Variants in NYAP2 observed in about 807,000 individuals in gnomAD.
NYAP2 encodes neuronal tyrosine-phosphorylated phosphoinositide-3-kinase adaptor 2, also known as neuronal tyrosine-phosphorylated phosphoinositide-3-kinase adapter 2.
A neutral mutation model predicts 50.4 loss-of-function variants in NYAP2; 23 were observed. The ratio of observed to expected loss-of-function variants is 0.46; its 90% CI spans 0.33 to 0.65. The LOEUF (loss-of-function observed/expected upper bound fraction) is 0.65, where lower values mean the gene tolerates loss of function less well. Ranked by LOEUF, NYAP2 falls within the 30% of genes least tolerant of loss-of-function variation. The probability of loss-of-function intolerance (pLI) is 0.02; values close to 1 mark genes in which losing one functional copy is unlikely to be tolerated. For synonymous variants in NYAP2, 394 were observed against 365.2 expected (o/e 1.08, Z -0.90); for missense variants, 885 against 861.0 (o/e 1.03, Z -0.35).
intron 3 of NYAP2, among the ~76,000 whole-genome samples, chr2:225,454,869 G>A (rs140675073): frequency 7.8e-4 from 119 of 152,192 alleles, no homozygotes; most frequent in African/African-American, 2.8e-3. Context: ...ATAGCAAGGG[G>A]CGATTAAGAT....
the NYAP2 span, among the ~76,000 whole-genome samples, chr2:225,677,313 G>A: frequency 2.0e-5 from 3 of 152,032 alleles, no homozygotes; most frequent in African/African-American, 7.2e-5. Context: ...GCTTTTCGGT[G>A]GAGTCTTCAG....
the NYAP2 span, chr2:225,700,016 T>G: frequency 6.6e-6 from 1 of 151,296 alleles, no homozygotes; most frequent in African/African-American, 2.4e-5. Flanking sequence ...GTTTTTGAAG[T>G]TATTGTTATA....
intron 3 of NYAP2, among the ~76,000 whole-genome samples, chr2:225,494,578 C>A (rs1342431422): frequency 6.6e-6 from 1 of 152,104 alleles, no homozygotes; most frequent in African/African-American, 2.4e-5. Flanking sequence ...TTCATTCCTC[C>A]CAGAAAATTA....
chr2:225,501,968 A>G (rs1431165222), intron 3 of NYAP2, among the ~76,000 whole-genome samples: 1 of 151,784 alleles, frequency 6.6e-6, no homozygotes, highest in African/African-American at 2.4e-5. Flanking sequence ...AGGCAGGAAC[A>G]TGTTCCATTA....
At chr2:225,521,284 G>A (rs903008152) in intron 4 of NYAP2, among the ~76,000 whole-genome samples, 4 of 151,638 alleles carry the variant, frequency 2.6e-5, no homozygotes, top group Non-Finnish European at 5.9e-5. Flanking sequence ...CTGCCTAATT[G>A]CCCTGGCCAG....
At chr2:225,517,519 A>G (rs771365483) in intron 4 of NYAP2, among the ~76,000 whole-genome samples, 15 of 152,234 alleles carry the variant, frequency 9.9e-5, no homozygotes, top group Non-Finnish European at 1.6e-4. Context: ...ACTTTAGGCA[A>G]GTGATCCAAT....
intron 4 of NYAP2, among the ~76,000 whole-genome samples, chr2:225,530,390 C>A (rs146431534): frequency 1.6e-4 from 24 of 152,298 alleles, no homozygotes; most frequent in African/African-American, 5.5e-4. Context: ...GATGCCCTAG[C>A]CATGACACTA....
At chr2:225,572,275 G>A (rs368789228) in intron 4 of NYAP2, among the ~76,000 whole-genome samples, 3 of 152,106 alleles carry the variant, frequency 2.0e-5, no homozygotes, top group Admixed American at 6.6e-5. Context: ...GAAGTGCCCC[G>A]CTATCCGTTA....
intron 5 of NYAP2, among the ~76,000 whole-genome samples, chr2:225,608,821 T>C (rs1692832295): frequency 6.6e-6 from 1 of 152,124 alleles, no homozygotes; most frequent in Non-Finnish European, 1.5e-5. Context: ...TGTGAATAAA[T>C]GTGACTAGGG....
chr2:225,550,567 C>T (rs1260498837), intron 4 of NYAP2, among the ~76,000 whole-genome samples: 2 of 152,004 alleles, frequency 1.3e-5, no homozygotes, highest in African/African-American at 4.8e-5. Context: ...GACAGTTGCC[C>T]ATAAAAAGAA....
the NYAP2 span, among the ~76,000 whole-genome samples, chr2:225,693,768 C>T: frequency 3.4e-4 from 52 of 152,076 alleles, no homozygotes; most frequent in African/African-American, 1.2e-3. Context: ...ACCATCACCT[C>T]GAAGGTCAGG....
intron 3 of NYAP2, among the ~76,000 whole-genome samples, chr2:225,422,827 C>A (rs1231414375): frequency 1.3e-5 from 2 of 152,078 alleles, no homozygotes; most frequent in Non-Finnish European, 2.9e-5. Context: ...TTAATGACAG[C>A]ATCTTAGTCT....
intron 4 of NYAP2, among the ~76,000 whole-genome samples, chr2:225,555,641 A>G (rs1012176422): frequency 8.5e-5 from 13 of 152,324 alleles, no homozygotes; most frequent in African/African-American, 3.1e-4. Context: ...ATGCCTAAGT[A>G]GGCTTTCCTG....
At chr2:225,413,859 C>T (rs542022820) in intron 3 of NYAP2, among the ~76,000 whole-genome samples, 19 of 152,254 alleles carry the variant, frequency 1.2e-4, no homozygotes, top group Admixed American at 1.2e-3. Flanking sequence ...TGCTGAAAAT[C>T]TAAAGATGGG....
chr2:225,648,996 GA>G (rs1693685119), intron 6 of NYAP2, among the ~76,000 whole-genome samples: 1 of 152,198 alleles, frequency 6.6e-6, no homozygotes, highest in African/African-American at 2.4e-5. Context: ...ATCACAGGTG[GA>G]AAGAGAGTCA....
chr2:225,595,809 G>T (rs1692586738), intron 5 of NYAP2, among the ~76,000 whole-genome samples: 1 of 152,018 alleles, frequency 6.6e-6, no homozygotes, highest in Non-Finnish European at 1.5e-5. Context: ...AGCTTCCATG[G>T]CCAATCCACT....
At chr2:225,662,974 C>T in the NYAP2 span, among the ~76,000 whole-genome samples, 1 of 152,186 alleles carries the variant, frequency 6.6e-6, no homozygotes, top group African/African-American at 2.4e-5. Context: ...TTTCTACCTC[C>T]ATATAAAATA....
chr2:225,446,242 CTCTCTATATATATATATATATATA>C (rs1304347786), intron 3 of NYAP2, among the ~76,000 whole-genome samples: 1 of 110,292 alleles, frequency 9.1e-6, no homozygotes, highest in African/African-American at 3.4e-5. Context: ...CTCTCTCTCT[CTCTCTATATATATATATATATATA>C]TATATATATA....
chr2:225,630,942 C>T (rs1193248533), intron 6 of NYAP2, among the ~76,000 whole-genome samples: 1 of 152,118 alleles, frequency 6.6e-6, no homozygotes, highest in Non-Finnish European at 1.5e-5. Context: ...ATTGAGAAAC[C>T]AGTAGATTGT....
Sources: gnomAD v4.1 joint callset for allele counts (sites outside exome capture counted in the v4.1 genomes callset) on GRCh38, gnomAD v4.1.1 for gene constraint, MANE v1.5 for transcripts, NCBI Gene and HGNC (gene_info 2026-07-23, HGNC 2026-07-21) for gene names.